The following NMT2 variants were observed in gnomAD, a reference collection of about 807,000 sequenced individuals.
NMT2 encodes the protein glycylpeptide N-tetradecanoyltransferase 2.
A neutral mutation model predicts 65.4 loss-of-function variants in NMT2; 35 were observed. That is an observed-to-expected ratio of 0.54 (90% CI 0.41 to 0.71). The LOEUF is 0.71. NMT2 is among the 30% of genes least tolerant of loss of function. The pLI, the probability that NMT2 is intolerant of heterozygous loss-of-function variation, is 0.00. For synonymous variants in NMT2, 226 were observed against 231.8 expected (o/e 0.98, Z 0.23); for missense variants, 489 against 611.3 (o/e 0.80, Z 2.11).
intron 1 of NMT2, among the ~76,000 whole-genome samples, chr10:15,160,365 G>T (rs961826294): frequency 6.6e-6 from 1 of 152,146 alleles, no homozygotes; most frequent in East Asian, 1.9e-4. Flanking sequence ...CAGGCACAAG[G>T]AGCCCGGTGA....
chr10:15,124,304 G>A (rs1037489902), intron 8 of NMT2, among the ~76,000 whole-genome samples: 1 of 152,206 alleles, frequency 6.6e-6, no homozygotes, highest in African/African-American at 2.4e-5. Context: ...GGAAACCTTA[G>A]TATTTTAGGT....
At chr10:15,122,233 A>G (rs1845949901) in intron 8 of NMT2, among the ~76,000 whole-genome samples, 1 of 152,216 alleles carries the variant, frequency 6.6e-6, no homozygotes, top group Non-Finnish European at 1.5e-5. Flanking sequence ...AGGATATATG[A>G]TATCTGTTAA....
In NMT2 at chr10:15,152,577, G is replaced by A. The variant is rs74685693; in HGVS notation, c.111-11020C>T. 3.7e-4 allele frequency among the ~76,000 whole-genome samples: 56 copies of A among 152,338 alleles called. No individual in the cohort carries two copies. In the East Asian group the frequency reaches 0.011, roughly 29 times the overall value. On this transcript the variant is annotated intron_variant, in intron 1 of 11. Coordinates refer to ENST00000378165, the MANE Select transcript of NMT2 (RefSeq NM_004808.3). The stretch of plus-strand genomic sequence containing the variant: ...ATACATAAAGTCTGTGGTTTTCTCA[G>A]AGCTATTCCCTCTCAGAACCTTCCC...
At chr10:15,120,437 G>C (rs1845890682) in intron 8 of NMT2, among the ~76,000 whole-genome samples, 1 of 152,198 alleles carries the variant, frequency 6.6e-6, no homozygotes, top group Admixed American at 6.5e-5. Flanking sequence ...AAGCCTGGGA[G>C]ACAGGGAGGG....
intron 8 of NMT2, among the ~76,000 whole-genome samples, chr10:15,120,684 C>T (rs1467238287): frequency 3.3e-5 from 5 of 152,056 alleles, no homozygotes; most frequent in South Asian, 4.1e-4. Flanking sequence ...CCATTAAAAG[C>T]GTGTGGTGAT....
chr10:15,115,453 A>G (rs1845713105), intron 9 of NMT2, among the ~76,000 whole-genome samples: 1 of 152,216 alleles, frequency 6.6e-6, no homozygotes, highest in Non-Finnish European at 1.5e-5. Context: ...CTATACAAAT[A>G]CACCCAAAGG....
chr10:15,141,662 C>A, intron 1 of NMT2, 105 bp from the exon 2 acceptor site: 1 of 1,375,086 alleles, frequency 7.3e-7, no homozygotes, highest in Middle Eastern at 1.8e-4. Flanking sequence ...CTGTTACATG[C>A]AGTAGAAAAT....
chr10:15,130,614 G>A (rs1846244540), intron 6 of NMT2, among the ~76,000 whole-genome samples: 1 of 148,030 alleles, frequency 6.8e-6, no homozygotes, highest in Non-Finnish European at 1.5e-5. Flanking sequence ...TGAGGTGGAA[G>A]GATCACTTGA....
intron 1 of NMT2, among the ~76,000 whole-genome samples, chr10:15,161,183 G>T (rs528975680): frequency 7.5e-5 from 11 of 147,304 alleles, no homozygotes; most frequent in African/African-American, 2.8e-4. Flanking sequence ...CAAGGAAAAC[G>T]ATTGTTATCA....
chr10:15,148,340 T>A (rs1031600842), intron 1 of NMT2, among the ~76,000 whole-genome samples: 2 of 152,058 alleles, frequency 1.3e-5, no homozygotes, highest in African/African-American at 2.4e-5. Flanking sequence ...CAAAACCTAG[T>A]CTTTACAAAA....
chr10:15,158,513 G>A (rs749350694), intron 1 of NMT2, among the ~76,000 whole-genome samples: 3 of 152,116 alleles, frequency 2.0e-5, no homozygotes, highest in Non-Finnish European at 4.4e-5. Context: ...AAATAAATTT[G>A]TCAATGGGAA....
At chr10:15,162,790 A>T (rs1225018946) in intron 1 of NMT2, among the ~76,000 whole-genome samples, 1 of 148,028 alleles carries the variant, frequency 6.8e-6, no homozygotes, top group Non-Finnish European at 1.5e-5. Context: ...TGATTTATAT[A>T]TCTCTATGTA....
chr10:15,129,701 G>A (rs1478196945), intron 7 of NMT2, among the ~76,000 whole-genome samples: 1 of 152,076 alleles, frequency 6.6e-6, no homozygotes, highest in East Asian at 1.9e-4. Context: ...ACGAGGTCAG[G>A]AGTTCAAGAC....
Position 15,168,551 on chromosome 10 carries a change from G to T in NMT2, c.62C>A (p.Thr21Lys). The T allele has an allele frequency of 6.3e-7, 1 of 1,594,474 alleles. No homozygotes were observed. ...CTCATTGTCCCCGTCTATCCCGCACGTGTCCTGGTCGTCCAGTTCCAGGCT... is the reference window on the plus strand; with the variant it reads ...CTCATTGTCCCCGTCTATCCCGCACTTGTCCTGGTCGTCCAGTTCCAGGCT... ...QQSLELDDQDTCGIDGDNEEE... is the reference protein window; with the variant it reads ...QQSLELDDQDKCGIDGDNEEE... Residue 21 changes from threonine to lysine, a missense_variant, in exon 1 of 12, where the codon ACG becomes AAG. Thr to Lys is a moderately conservative substitution (Grantham distance 78). Transcript: ENST00000378165.
In NMT2 at chr10:15,160,402, G is replaced by A. The variant is rs546149480; in HGVS notation, c.110+8101C>T. 2.2e-3 allele frequency among the ~76,000 whole-genome samples: 339 copies of A among 152,264 alleles called. 1 individual carries two copies. Among genetic ancestry groups the A allele is most frequent in the Admixed American group, 3.7e-3 (57 of 15,294 alleles). On this transcript the variant is annotated intron_variant, in intron 1 of 11. Coordinates refer to ENST00000378165, the MANE Select transcript of NMT2 (RefSeq NM_004808.3). ...GGGGCAAGTTGGCTGCAGTGTGGGT[G>A]TGCCTGAGGACCATGAAAACTTAAG...
Position 15,141,489 on chromosome 10 carries a change from T to C in NMT2, c.179A>G (p.Asn60Ser). Residue 60 changes from asparagine to serine, a missense_variant, in exon 2 of 12, where the codon AAT becomes AGT. Asn to Ser is a conservative substitution (Grantham distance 46). Transcript: ENST00000378165. ...CGAGTCTGACTTGGTGCCTCCGGAATTTGGTTTCTCCTTTTTTCTCTTCTG... is the reference window on the plus strand; with the variant it reads ...CGAGTCTGACTTGGTGCCTCCGGAACTTGGTTTCTCCTTTTTTCTCTTCTG... ...KKQKRKKEKP[N>S]SGGTKSDSAS... 1 of 1,614,260 alleles carries C rather than the reference T, an allele frequency of 6.2e-7. No individual in the cohort carries two copies. Among genetic ancestry groups the C allele is most frequent in the Non-Finnish European group, 8.5e-7 (1 of 1,180,044 alleles).
chr10:15,110,783 T>C (rs1327723013), intron 10 of NMT2, among the ~76,000 whole-genome samples: 2 of 152,186 alleles, frequency 1.3e-5, no homozygotes, highest in African/African-American at 4.8e-5. Flanking sequence ...TATTTATGTT[T>C]TATTTATTTA....
At chr10:15,154,978 T>TG (rs1223471884) in intron 1 of NMT2, 1 of 1,156,116 alleles carries the variant, frequency 8.6e-7, no homozygotes, top group South Asian at 1.2e-5. Context: ...TCGTTTGTGT[T>TG]GGGTCCAGCA....
Position 15,168,544 on chromosome 10 carries a change from C to G in NMT2, c.69G>C (p.Gly23=). ...SLELDDQDTC[G]IDGDNEEETE... ...TCTCCTCCTCATTGTCCCCGTCTATCCCGCACGTGTCCTGGTCGTCCAGTT... is the reference window on the plus strand; with the variant it reads ...TCTCCTCCTCATTGTCCCCGTCTATGCCGCACGTGTCCTGGTCGTCCAGTT... The change falls in exon 1 of 12, where the codon GGG becomes GGC. Residue 23 remains glycine, a synonymous_variant. Coordinates refer to ENST00000378165, the MANE Select transcript of NMT2 (RefSeq NM_004808.3). 1 of 1,594,880 alleles carries G rather than the reference C, an allele frequency of 6.3e-7. No homozygotes were observed.
Sources: allele counts gnomAD v4.1 joint callset (sites outside exome capture counted in the v4.1 genomes callset), GRCh38; gene constraint gnomAD v4.1.1; transcripts MANE v1.5; gene names NCBI Gene and HGNC (gene_info 2026-07-23, HGNC 2026-07-21).